The following CELF4 variants were observed in gnomAD, a reference collection of about 807,000 sequenced individuals.
The protein encoded by CELF4 is CUGBP Elav-like family member 4, also known as CUG-BP- and ETR-3-like factor 4.
In CELF4, 18 loss-of-function variants were observed where a neutral mutation model predicts 59.9. The ratio of observed to expected loss-of-function variants is 0.30; its 90% CI spans 0.21 to 0.45. CELF4 has a LOEUF of 0.45. Among genes scored for constraint, CELF4 ranks in the 20% least tolerant of loss-of-function variants. The probability of loss-of-function intolerance (pLI) is 1.00; values close to 1 mark genes in which losing one functional copy is unlikely to be tolerated. For synonymous variants in CELF4, 261 were observed against 267.1 expected (o/e 0.98, Z 0.22); for missense variants, 456 against 689.0 (o/e 0.66, Z 3.79).
In CELF4 at chr18:37,454,749, A is replaced by T; in HGVS notation, c.369+30776T>A. On this transcript the variant is annotated intron_variant, in intron 2 of 12. Transcript: ENST00000420428. ...TAACTATCTCCACTGGCGGTTGTTA[A>T]CACAATAAAATATATTTTTTAAAAA... Among the ~76,000 whole-genome samples the T allele has an allele frequency of 1.3e-5, 2 of 152,228 alleles. 1 individual carries two copies. The highest frequency in any genetic ancestry group is 1.3e-4 in the Admixed American group (2 of 15,282).
chr18:37,430,673 G>C (rs192472546), intron 2 of CELF4, among the ~76,000 whole-genome samples: 2 of 152,202 alleles, frequency 1.3e-5, no homozygotes, highest in African/African-American at 2.4e-5. Context: ...GAGCAGAATG[G>C]GGGGAGCACT....
Position 37,485,522 on chromosome 18 carries a change from T to C in CELF4, c.369+3A>G. Reference sequence around the variant, plus strand: ...CGCTTGCGCCACGGCGGGCGCCACTTACCCCGGGCAGAGTCTTCTGCTCGT... The same window carrying C: ...CGCTTGCGCCACGGCGGGCGCCACTCACCCCGGGCAGAGTCTTCTGCTCGT... On this transcript the variant is annotated splice_donor_region_variant and intron_variant, in intron 2 of 12. Coordinates refer to ENST00000420428, the MANE Select transcript of CELF4 (RefSeq NM_020180.4). 1 of 1,363,548 alleles carries C rather than the reference T, an allele frequency of 7.3e-7. No individual in the cohort carries two copies. Among genetic ancestry groups the C allele is most frequent in the Non-Finnish European group, 9.5e-7 (1 of 1,047,184 alleles). 84.5% of individuals were successfully genotyped at this position (1,363,548 alleles called of 1,614,324 possible).
intron 1 of CELF4, among the ~76,000 whole-genome samples, chr18:37,549,748 C>A (rs188336467): frequency 1.3e-5 from 2 of 152,132 alleles, no homozygotes; most frequent in Non-Finnish European, 2.9e-5. Flanking sequence ...AATTTAACTT[C>A]TATGATACAG....
intron 2 of CELF4, among the ~76,000 whole-genome samples, chr18:37,350,951 C>T (rs2098425964): frequency 6.6e-6 from 1 of 152,232 alleles, no homozygotes; most frequent in South Asian, 2.1e-4. Flanking sequence ...GGGGAGCCCC[C>T]ACTCAGAGAG....
chr18:37,491,987 T>C (rs1383731215), intron 1 of CELF4, among the ~76,000 whole-genome samples: 2 of 152,196 alleles, frequency 1.3e-5, no homozygotes, highest in Non-Finnish European at 2.9e-5. Flanking sequence ...GGCCGAAGCC[T>C]GGGGTGTAAT....
intron 1 of CELF4, among the ~76,000 whole-genome samples, chr18:37,516,124 G>T (rs1230814721): frequency 6.6e-6 from 1 of 152,170 alleles, no homozygotes; most frequent in African/African-American, 2.4e-5. Flanking sequence ...ATAGCAAACT[G>T]CTTTTTTCTG....
At chr18:37,260,140 G>A (rs979687320) in intron 10 of CELF4, among the ~76,000 whole-genome samples, 23 of 152,158 alleles carry the variant, frequency 1.5e-4, no homozygotes, top group African/African-American at 4.6e-4. Context: ...GCCAAAACAC[G>A]CACAGCTGGG....
intron 1 of CELF4, among the ~76,000 whole-genome samples, chr18:37,491,462 T>C (rs2099905053): frequency 6.6e-6 from 1 of 152,220 alleles, no homozygotes; most frequent in Admixed American, 6.5e-5. Context: ...CGTCTCTGAA[T>C]AGACTTTCAA....
intron 1 of CELF4, among the ~76,000 whole-genome samples, chr18:37,506,799 C>CATTT (rs2099938573): frequency 6.6e-6 from 1 of 152,230 alleles, no homozygotes; most frequent in South Asian, 2.1e-4. Context: ...TCGCGCCTTG[C>CATTT]ATTTTATGGC....
chr18:37,405,573 T>C (rs1194476730), intron 2 of CELF4, among the ~76,000 whole-genome samples: 1 of 152,272 alleles, frequency 6.6e-6, no homozygotes, highest in Non-Finnish European at 1.5e-5. Flanking sequence ...CCCATCTTTG[T>C]GTTCCAAAAT....
At chr18:37,524,823 G>C (rs538005543) in intron 1 of CELF4, among the ~76,000 whole-genome samples, 1 of 152,220 alleles carries the variant, frequency 6.6e-6, no homozygotes, top group Admixed American at 6.5e-5. Flanking sequence ...CCCCGGCCGC[G>C]GCTCCCGGCA....
At chr18:37,360,655 G>T (rs1245820118) in intron 2 of CELF4, among the ~76,000 whole-genome samples, 1 of 152,234 alleles carries the variant, frequency 6.6e-6, no homozygotes, top group African/African-American at 2.4e-5. Context: ...TCGTTGCAGG[G>T]CTATACTCTT....
intron 2 of CELF4, among the ~76,000 whole-genome samples, chr18:37,362,344 T>C (rs867365153): frequency 6.6e-6 from 1 of 152,172 alleles, no homozygotes; most frequent in Non-Finnish European, 1.5e-5. Context: ...TGCGGACGCA[T>C]CACTCCCCGG....
At chr18:37,286,996 C>A (rs1453917000) in intron 3 of CELF4, among the ~76,000 whole-genome samples, 1 of 152,154 alleles carries the variant, frequency 6.6e-6, no homozygotes, top group Non-Finnish European at 1.5e-5. Flanking sequence ...CAGCGGCTGC[C>A]CCTGCGCCCT....
intron 1 of CELF4, among the ~76,000 whole-genome samples, chr18:37,497,035 T>C (rs1266094955): frequency 6.6e-6 from 1 of 152,154 alleles, no homozygotes; most frequent in Non-Finnish European, 1.5e-5. Context: ...CCTGCAATCA[T>C]TGCTGACTCT....
intron 2 of CELF4, among the ~76,000 whole-genome samples, chr18:37,331,159 G>A (rs537398273): frequency 3.3e-5 from 5 of 152,170 alleles, no homozygotes; most frequent in African/African-American, 4.8e-5. Flanking sequence ...CTGCCTGGGC[G>A]GGGCTGGCTG....
intron 2 of CELF4, among the ~76,000 whole-genome samples, chr18:37,467,854 G>A (rs982921659): frequency 6.6e-6 from 1 of 152,212 alleles, no homozygotes; most frequent in Non-Finnish European, 1.5e-5. Context: ...GTGTGTTCGT[G>A]TGCCCACATG....
intron 2 of CELF4, among the ~76,000 whole-genome samples, chr18:37,372,756 T>C (rs2098916333): frequency 6.6e-6 from 1 of 152,136 alleles, no homozygotes; most frequent in African/African-American, 2.4e-5. Flanking sequence ...CAACTGGGTA[T>C]ATGTTTAATA....
chr18:37,429,877 CTG>C (rs1262023641), intron 2 of CELF4, among the ~76,000 whole-genome samples: 1 of 152,176 alleles, frequency 6.6e-6, no homozygotes, highest in African/African-American at 2.4e-5. Context: ...CCTGCCCTGC[CTG>C]ACTCCTGTGT....
Sources: allele counts gnomAD v4.1 joint callset (sites outside exome capture counted in the v4.1 genomes callset), GRCh38; gene constraint gnomAD v4.1.1; transcripts MANE v1.5; gene names NCBI Gene and HGNC (gene_info 2026-07-23, HGNC 2026-07-21).